Variants in ZNF415 observed in about 807,000 individuals in gnomAD.
The protein encoded by ZNF415 is zinc finger protein 415.
A neutral mutation model predicts 7.3 loss-of-function variants in ZNF415; 5 were observed. The observed-to-expected ratio is 0.69, with a 90% CI of 0.36 to 1.44. The LOEUF is 1.44. Among genes scored for constraint, ZNF415 ranks in the 40% most tolerant of loss-of-function variants. The pLI is 0.04. For missense variants in ZNF415, 628 were observed against 664.8 expected (o/e 0.94, Z 0.61); for synonymous variants, 207 against 226.3 (o/e 0.91, Z 0.77).
intron 1 of ZNF415, among the ~76,000 whole-genome samples, chr19:53,125,860 C>A (rs1218029841): frequency 6.6e-6 from 1 of 151,888 alleles, no homozygotes; most frequent in East Asian, 1.9e-4. Flanking sequence ...ATTGCTTGAA[C>A]CTGGGAGGCA....
chr19:53,111,431 T>C (rs2086232182), intron 3 of ZNF415, among the ~76,000 whole-genome samples: 1 of 150,016 alleles, frequency 6.7e-6, no homozygotes, highest in Non-Finnish European at 1.5e-5. Context: ...CAACCTCTGC[T>C]TCCTGGGTTC....
intron 2 of ZNF415, among the ~76,000 whole-genome samples, chr19:53,117,691 G>A (rs1480419934): frequency 1.3e-5 from 2 of 152,118 alleles, no homozygotes; most frequent in Non-Finnish European, 2.9e-5. Flanking sequence ...AAGCCTGAGG[G>A]AATTCTTCAC....
Position 53,108,465 on chromosome 19 carries a change from C to T in ZNF415, c.1580G>A (p.Ser527Asn), listed in dbSNP as rs1259523695. 6.2e-7 allele frequency: 1 copy of T among 1,613,902 alleles called. No homozygotes were observed. Among genetic ancestry groups the T allele is most frequent in the South Asian group, 1.1e-5 (1 of 91,054 alleles). The change falls in exon 4 of 4, where the codon AGT becomes AAT. Residue 527 changes from serine (S) to asparagine (N), a missense_variant. Ser to Asn is a conservative substitution (Grantham distance 46). Coordinates refer to ENST00000243643, the MANE Select transcript of ZNF415 (RefSeq NM_018355.4). ...IHTGKKPYKC[S>N]DCGKSFSVRP... is the part of the protein sequence containing the mutation. ...CACACTAAAGGACTTCCCACAATCA[C>T]TACATTTGTAAGGTTTCTTTCCAGT...
In ZNF415 at chr19:53,107,962, T is replaced by C. The variant is rs894546839; in HGVS notation, c.*415A>G. 2.9e-5 allele frequency: 5 copies of C among 172,670 alleles called. No individual in the cohort carries two copies. Among genetic ancestry groups the C allele is most frequent in the Admixed American group, 1.7e-4 (3 of 18,032 alleles). 10.7% of individuals were successfully genotyped at this position (172,670 alleles called of 1,614,324 possible). A position where few individuals can be genotyped will look rare whatever the true frequency, so the allele number is the denominator to read the frequency against. On this transcript the variant is annotated 3_prime_UTR_variant, in exon 4 of 4. Transcript: ENST00000243643. ...TTGGGCTTGCATTTGTTCTACAATG[T>C]GTAATATGAAAAGTTTATCAGCACA...
At chr19:53,122,633 A>C (rs755414013) in intron 2 of ZNF415, 29 bp downstream of exon 2, 6 of 1,614,076 alleles carry the variant, frequency 3.7e-6, no homozygotes, top group Non-Finnish European at 3.4e-6. Context: ...AGAGGGAGAC[A>C]GAATGATCCA....
rs2146492926 is a variant in ZNF415 at position 53,122,107 on chromosome 19, G to T, written c.15+555C>A. Among the ~76,000 whole-genome samples, 3 of 152,026 alleles carry T rather than the reference G, an allele frequency of 2.0e-5. No homozygotes were observed. The Middle Eastern group carries it at 0.01, about 517-fold the overall frequency. On this transcript the variant is annotated intron_variant, in intron 2 of 3. Coordinates refer to ENST00000243643, the MANE Select transcript of ZNF415 (RefSeq NM_018355.4). ...ATTAAAAATACAAAATTAGCTGGTT[G>T]TGGTGGTGCATGCCTGTAATCCCAG...
At chr19:53,122,260 C>CAAACAAA (rs1727946520) in intron 2 of ZNF415, 1 of 926,004 alleles carries the variant, frequency 1.1e-6, no homozygotes, top group Non-Finnish European at 1.6e-6. Context: ...AACAAACAAA[C>CAAACAAA]AAACAAAAAA....
intron 3 of ZNF415, among the ~76,000 whole-genome samples, chr19:53,111,427 C>G (rs1056886071): frequency 1.5e-4 from 22 of 149,918 alleles, no homozygotes; most frequent in African/African-American, 4.2e-4. Context: ...ACTGCAACCT[C>G]TGCTTCCTGG....
intron 3 of ZNF415, among the ~76,000 whole-genome samples, chr19:53,113,279 C>A (rs10412971): frequency 0.34 from 30,237 of 89,646 alleles, 12,040 homozygotes; most frequent in African/African-American, 0.44. Flanking sequence ...GAGGCCGAGA[C>A]GGGCGGATCA....
chr19:53,132,777 G>A (rs1208981770), intron 1 of ZNF415, 79 bp downstream of exon 1: 1 of 152,448 alleles, frequency 6.6e-6, no homozygotes, highest in Non-Finnish European at 1.5e-5. Context: ...GGATTTTAAG[G>A]GCCGTATCGA....
At chr19:53,123,083 A>T (rs1048807454) in intron 1 of ZNF415, among the ~76,000 whole-genome samples, 5 of 152,138 alleles carry the variant, frequency 3.3e-5, no homozygotes, top group Non-Finnish European at 7.4e-5. Context: ...AATAGAGGAC[A>T]CAGAGCCTTG....
chr19:53,116,605 T>C (rs1307122087), intron 2 of ZNF415, among the ~76,000 whole-genome samples, 172 bp from the exon 3 acceptor site: 1 of 91,840 alleles, frequency 1.1e-5, no homozygotes, highest in Non-Finnish European at 2.2e-5. Context: ...TTGTGGTTTT[T>C]TTTCTCTCTT....
chr19:53,117,479 A>C (rs1164500378), intron 2 of ZNF415, among the ~76,000 whole-genome samples: 1 of 151,982 alleles, frequency 6.6e-6, no homozygotes, highest in African/African-American at 2.4e-5. Context: ...CTAAAAAAAA[A>C]CAGCAAGAGA....
chr19:53,120,008 C>A (rs530512081), intron 2 of ZNF415, among the ~76,000 whole-genome samples: 1 of 129,136 alleles, frequency 7.7e-6, no homozygotes, highest in African/African-American at 2.7e-5. Context: ...AAAATTGAAA[C>A]GGAGGGAATT....
At chr19:53,132,048 A>T (rs80157328) in intron 1 of ZNF415, among the ~76,000 whole-genome samples, 4,547 of 151,766 alleles carry the variant, frequency 0.03, 244 homozygotes, top group African/African-American at 0.1. Context: ...GCTGTCCTTC[A>T]TCTCTCTGGA....
chr19:53,129,137 C>T (rs1430497896), intron 1 of ZNF415, among the ~76,000 whole-genome samples: 1 of 152,104 alleles, frequency 6.6e-6, no homozygotes, highest in Non-Finnish European at 1.5e-5. Flanking sequence ...AGGGTAAAAG[C>T]AGGGACAACG....
rs776334945 is a variant in ZNF415 at position 53,122,758 on chromosome 19, C to G, written c.-67-15G>C. On this transcript the variant is annotated splice_polypyrimidine_tract_variant and intron_variant, in intron 1 of 3. Transcript: ENST00000243643. Reference sequence around the variant, plus strand: ...GGAAGTCAATGCTGAATAACAACAACAAGTGCTGTTTATTGCTTAGAAACA... The same window carrying G: ...GGAAGTCAATGCTGAATAACAACAAGAAGTGCTGTTTATTGCTTAGAAACA... 1.9e-5 allele frequency: 31 copies of G among 1,589,848 alleles called. No homozygotes were observed. The highest frequency in any genetic ancestry group is 9.5e-6 in the Non-Finnish European group (11 of 1,159,338).
chr19:53,109,924 A>G lies in ZNF415; in HGVS notation c.137-16T>C, dbSNP rs2085989744. On this transcript the variant is annotated splice_polypyrimidine_tract_variant and intron_variant, in intron 3 of 3. Coordinates refer to ENST00000243643, the MANE Select transcript of ZNF415 (RefSeq NM_018355.4). ...CGAGACAGATCTATAAGAAATGAAAACCATAGGTTTCCAATTAATTAGAGA... is the reference window on the plus strand; with the variant it reads ...CGAGACAGATCTATAAGAAATGAAAGCCATAGGTTTCCAATTAATTAGAGA... 1.3e-6 allele frequency: 2 copies of G among 1,535,782 alleles called. No homozygotes were observed. Among genetic ancestry groups the G allele is most frequent in the African/African-American group, 2.8e-5 (2 of 71,736 alleles).
At chr19:53,123,739 CT>C (rs1237142332) in intron 1 of ZNF415, 28 of 397,408 alleles carry the variant, frequency 7.0e-5, no homozygotes, top group Non-Finnish European at 1.2e-4. Context: ...GATGTATTTC[CT>C]CACCCATTTT....
Sources: allele counts gnomAD v4.1 joint callset (sites outside exome capture counted in the v4.1 genomes callset), GRCh38; gene constraint gnomAD v4.1.1; transcripts MANE v1.5; gene names NCBI Gene and HGNC (gene_info 2026-07-23, HGNC 2026-07-21).